The following SH3BP5L variants were observed in gnomAD, a reference collection of about 807,000 sequenced individuals.
SH3BP5L encodes SH3 domain-binding protein 5-like.
A neutral mutation model predicts 40.9 loss-of-function variants in SH3BP5L; 16 were observed. The ratio of observed to expected loss-of-function variants is 0.39; its 90% CI spans 0.27 to 0.59. The LOEUF (loss-of-function observed/expected upper bound fraction) is 0.59. Ranked by LOEUF, SH3BP5L falls within the 20% of genes least tolerant of loss-of-function variation. The pLI is 0.53. For synonymous variants in SH3BP5L, 229 were observed against 226.7 expected, an observed-to-expected ratio of 1.01 and a Z score of -0.09; for missense variants, 471 against 544.6, an observed-to-expected ratio of 0.86 and a Z score of 1.35.
intron 1 of SH3BP5L, 75 bp from the exon 2 acceptor site, chr1:248,825,441 C>T (rs1379092325): frequency 2.1e-6 from 2 of 969,570 alleles, no homozygotes; most frequent in Non-Finnish European, 2.5e-6. Context: ...TCCAACTCTA[C>T]AGCCTCCCAA....
Position 248,825,001 on chromosome 1 carries a change from G to C in SH3BP5L, c.-66C>G. The C allele has an allele frequency of 2.6e-6, 4 of 1,524,674 alleles. No homozygotes were observed. The highest frequency in any genetic ancestry group is 2.4e-4 in the Middle Eastern group (1 of 4,116). The allele number at this position is 1,524,674 out of a possible 1,614,324, so 94.4% of individuals were successfully genotyped here. ...CTGACATGCTGGGACCAGGGCCCCA[G>C]CTTGGGGCTTCCTGGGCTCTAGATG... On this transcript the variant is annotated 5_prime_UTR_variant, in exon 2 of 7. Coordinates refer to ENST00000366472, the MANE Select transcript of SH3BP5L (RefSeq NM_030645.3).
At position 248,811,795 on chromosome 1, in the gene SH3BP5L, G is replaced by C. The variant is rs1663934824; in HGVS notation, c.*105C>G. ...CCTCTCCCAGGGAAGCACTGGAGAA[G>C]GGGACCTTCGGGAAGACGAGGCCCC... On this transcript the variant is annotated 3_prime_UTR_variant, in exon 7 of 7. Transcript: ENST00000366472. 1.0e-5 allele frequency: 9 copies of C among 866,552 alleles called. No homozygotes were observed. Among genetic ancestry groups the C allele is most frequent in the Non-Finnish European group, 1.5e-5 (9 of 580,862 alleles). 53.7% of individuals were successfully genotyped at this position (866,552 alleles called of 1,614,324 possible).
In SH3BP5L at chr1:248,825,878, A is replaced by G. The variant is rs1664367976; in HGVS notation, c.-475T>C. The G allele has an allele frequency of 2.2e-6, 2 of 909,768 alleles. No individual in the cohort carries two copies. Among genetic ancestry groups the G allele is most frequent in the Non-Finnish European group, 2.6e-6 (2 of 777,132 alleles). 56.4% of individuals were successfully genotyped at this position (909,768 alleles called of 1,614,324 possible). On this transcript the variant is annotated 5_prime_UTR_variant, in exon 1 of 7. Coordinates refer to ENST00000366472, the MANE Select transcript of SH3BP5L (RefSeq NM_030645.3). ...CCGCGGAGCTTCTATGCTGCAAACA[A>G]TCTCCCCCCCTCCCTCCCCGCAACA...
chr1:248,825,415 G>A (rs762061982), intron 1 of SH3BP5L, 49 bp from the exon 2 acceptor site: 4 of 987,482 alleles, frequency 4.1e-6, no homozygotes, highest in Non-Finnish European at 4.8e-6. Context: ...CATCAAAACC[G>A]CAGCCACCAG....
In SH3BP5L at chr1:248,812,072, C is replaced by T; in HGVS notation, c.1010G>A (p.Ser337Asn). The T allele has an allele frequency of 6.2e-7, 1 of 1,612,900 alleles. No individual in the cohort carries two copies. The highest frequency in any genetic ancestry group is 8.5e-7 in the Non-Finnish European group (1 of 1,179,566). Residue 337 changes from serine (S) to asparagine (N), a missense_variant, in exon 7 of 7, where the codon AGC becomes AAC. By Grantham distance (46) the Ser-to-Asn change is conservative. Transcript: ENST00000366472. The surrounding 1 kb of genome is among the most constrained non-coding windows in gnomAD (Gnocchi z 6.1). ...CAGGTCTGAAGCCACCGTGCGCAGG[C>T]TCAGCAGACTCAGGGTATCGGTGTC... is the stretch of plus-strand genomic sequence containing the variant. ...APDTDTLSLL[S>N]LRTVASDLQK...
intron 4 of SH3BP5L, 66 bp downstream of exon 4, chr1:248,816,467 AG>A: frequency 6.2e-7 from 1 of 1,603,296 alleles, no homozygotes; most frequent in Non-Finnish European, 8.5e-7. Flanking sequence ...CACTCCATAT[AG>A]AGACAGAAGA....
intron 2 of SH3BP5L, among the ~76,000 whole-genome samples, chr1:248,823,814 C>T (rs1314000483): frequency 6.6e-6 from 1 of 152,250 alleles, no homozygotes; most frequent in Non-Finnish European, 1.5e-5. Context: ...AGAAGAGTCA[C>T]TTCCACAACA....
Position 248,819,776 on chromosome 1 carries a change from T to C in SH3BP5L, c.184-2892A>G, listed in dbSNP as rs188186629. ...TTTAAGAAAAGTTTACAAATTTGCATTGGGCCGTGTTCAAAGCCATCCTGG... is the reference window on the plus strand; with the variant it reads ...TTTAAGAAAAGTTTACAAATTTGCACTGGGCCGTGTTCAAAGCCATCCTGG... On this transcript the variant is annotated intron_variant, in intron 2 of 6. Coordinates refer to ENST00000366472, the MANE Select transcript of SH3BP5L (RefSeq NM_030645.3). Among the ~76,000 whole-genome samples the C allele has an allele frequency of 1.1e-3, 171 of 151,624 alleles. 1 individual carries two copies. The highest frequency in any genetic ancestry group is 4.1e-3 in the African/African-American group (168 of 41,284).
Position 248,811,261 on chromosome 1 carries a change from C to T in SH3BP5L, c.*639G>A, listed in dbSNP as rs1423030328. 1 of 152,398 alleles carries T rather than the reference C, an allele frequency of 6.6e-6. No individual in the cohort carries two copies. Among genetic ancestry groups the T allele is most frequent in the Non-Finnish European group, 1.5e-5 (1 of 68,190 alleles). The allele number at this position is 152,398 out of a possible 1,614,324, so 9.4% of individuals were successfully genotyped here. On this transcript the variant is annotated 3_prime_UTR_variant, in exon 7 of 7. Coordinates refer to ENST00000366472, the MANE Select transcript of SH3BP5L (RefSeq NM_030645.3). ...CTTCCTGCAGGCCCTGTAAGTTCTG[C>T]TTTGGGGCACACATCGCAGAGTGCC...
chr1:248,825,258 G>A lies in SH3BP5L; in HGVS notation c.-323C>T, dbSNP rs1664349467. 1 of 1,076,752 alleles carries A rather than the reference G, an allele frequency of 9.3e-7. No homozygotes were observed. Among genetic ancestry groups the A allele is most frequent in the Non-Finnish European group, 1.1e-6 (1 of 887,266 alleles). The allele number at this position is 1,076,752 out of a possible 1,614,324, so 66.7% of individuals were successfully genotyped here. On this transcript the variant is annotated 5_prime_UTR_variant, in exon 2 of 7. Transcript: ENST00000366472. ...TGGATCCTGGACCGAGGCCTGCTAGGAGGAGCACCATTCGGGAGGGTGGAG... is the reference window on the plus strand; with the variant it reads ...TGGATCCTGGACCGAGGCCTGCTAGAAGGAGCACCATTCGGGAGGGTGGAG...
At position 248,817,073 on chromosome 1, in the gene SH3BP5L, C is replaced by A. The variant is rs1224714954; in HGVS notation, c.184-189G>T. 5 of 1,526,200 alleles carry A rather than the reference C, an allele frequency of 3.3e-6. No homozygotes were observed. The African/African-American group carries it at 4.1e-5, about 13-fold the overall frequency. The allele number at this position is 1,526,200 out of a possible 1,614,324, so 94.5% of individuals were successfully genotyped here. ...TTGTCTATCAGGGACCTGATACATACAATCTCACGTAATCCTCACAACTCT... is the reference window on the plus strand; with the variant it reads ...TTGTCTATCAGGGACCTGATACATAAAATCTCACGTAATCCTCACAACTCT... On this transcript the variant is annotated intron_variant, in intron 2 of 6. Transcript: ENST00000366472.
chr1:248,812,578 T>C lies in SH3BP5L; in HGVS notation c.712-208A>G, dbSNP rs187528799. On this transcript the variant is annotated intron_variant, in intron 6 of 6. Transcript: ENST00000366472. The surrounding 1 kb of genome is among the most constrained non-coding windows in gnomAD (Gnocchi z 6.1). ...CCTTCCCTGCTCCACTTGCTCTGCG[T>C]TGTTCCTCCCCAGCAATCCTGCTCC... Among the ~76,000 whole-genome samples, 6 of 151,554 alleles carry C rather than the reference T, an allele frequency of 4.0e-5. No individual in the cohort carries two copies. The East Asian group carries it at 1.2e-3, about 29-fold the overall frequency.
Position 248,824,837 on chromosome 1 carries a change from T to C in SH3BP5L, c.99A>G (p.Ala33=), listed in dbSNP as rs1363024601. The C allele has an allele frequency of 6.2e-7, 1 of 1,614,204 alleles. No homozygotes were observed. Among genetic ancestry groups the C allele is most frequent in the Non-Finnish European group, 8.5e-7 (1 of 1,180,022 alleles). ...TGCTTCCACCTCCTCCAGGCTCTTC[T>C]GCGACTGGGCTCCTAGGGACTTCAT... The part of the protein sequence containing the change: ...VEDEVPRSPV[A]EEPGGGGSSS... Residue 33 remains alanine, a synonymous_variant, in exon 2 of 7, where the codon GCA becomes GCG. Coordinates refer to ENST00000366472, the MANE Select transcript of SH3BP5L (RefSeq NM_030645.3).
chr1:248,820,761 G>A (rs1664237835), intron 2 of SH3BP5L: 1 of 152,282 alleles, frequency 6.6e-6, no homozygotes, highest in African/African-American at 2.4e-5. Flanking sequence ...GGGGTCAGTT[G>A]GTAAAGGCCA....
chr1:248,814,316 G>T, intron 5 of SH3BP5L, 133 bp downstream of exon 5: 7 of 1,008,216 alleles, frequency 6.9e-6, no homozygotes, highest in Non-Finnish European at 1.0e-5. Context: ...CTAGGAACAG[G>T]TTTTGCCTGA....
chr1:248,817,669 A>G (rs564234757), intron 2 of SH3BP5L, among the ~76,000 whole-genome samples: 1 of 152,084 alleles, frequency 6.6e-6, no homozygotes, highest in Non-Finnish European at 1.5e-5. Context: ...CCTGGGCAAC[A>G]TGGTGAAACC....
chr1:248,818,422 T>C (rs564353023), intron 2 of SH3BP5L, among the ~76,000 whole-genome samples: 1 of 151,804 alleles, frequency 6.6e-6, no homozygotes, highest in African/African-American at 2.4e-5. Context: ...AGAGGGCAGA[T>C]CCCAAGGCAA....
At chr1:248,815,812 C>T (rs1431503626) in intron 4 of SH3BP5L, among the ~76,000 whole-genome samples, 1 of 152,186 alleles carries the variant, frequency 6.6e-6, no homozygotes, top group Non-Finnish European at 1.5e-5. Flanking sequence ...TACTCCTTTC[C>T]ACGAAAACCA....
intron 2 of SH3BP5L, among the ~76,000 whole-genome samples, chr1:248,818,658 T>C (rs1378259341): frequency 6.6e-6 from 1 of 152,058 alleles, no homozygotes. Context: ...AGAGAAGCAA[T>C]AGAACCATCC....
Sources: allele counts gnomAD v4.1 joint callset (sites outside exome capture counted in the v4.1 genomes callset), GRCh38; gene constraint gnomAD v4.1.1; non-coding constraint Gnocchi (gnomAD v3.1); transcripts MANE v1.5; gene names NCBI Gene and HGNC (gene_info 2026-07-23, HGNC 2026-07-21).